Variants in SV2C observed in about 807,000 individuals in gnomAD.
SV2C encodes the protein solute carrier family 22 member B3.
A neutral mutation model predicts 79.7 loss-of-function variants in SV2C; 49 were observed. The ratio of observed to expected loss-of-function variants is 0.61; its 90% CI spans 0.49 to 0.78. The LOEUF is 0.78. Ranked by LOEUF, SV2C falls within the 30% of genes least tolerant of loss-of-function variation. The pLI is 0.00. For missense variants in SV2C, 833 were observed against 912.9 expected (o/e 0.91, Z 1.13); for synonymous variants, 334 against 333.2 (o/e 1.00, Z -0.03).
At chr5:76,290,338 C>A (rs1342400275) in intron 6 of SV2C, among the ~76,000 whole-genome samples, 2 of 152,168 alleles carry the variant, frequency 1.3e-5, no homozygotes, top group Non-Finnish European at 2.9e-5. Flanking sequence ...AATAGAGTTA[C>A]CCCTTTAAAT....
intron 2 of SV2C, chr5:76,173,862 C>T: frequency 6.3e-7 from 1 of 1,598,262 alleles, no homozygotes; most frequent in Non-Finnish European, 8.6e-7. Flanking sequence ...ATTGGAACAT[C>T]ATCAGTGTCT....
the SV2C span, among the ~76,000 whole-genome samples, chr5:75,881,136 C>G: frequency 2.0e-3 from 298 of 152,252 alleles, 3 homozygotes; most frequent in South Asian, 0.022. Context: ...AATCTGCCCC[C>G]ATGATCCAAT....
At chr5:76,342,977 G>GCCT in intron 12 of SV2C, among the ~76,000 whole-genome samples, 1 of 150,828 alleles carries the variant, frequency 6.6e-6, no homozygotes, top group East Asian at 2.0e-4. Flanking sequence ...TCCTGCCTCA[G>GCCT]CCTCCCAAAA....
intron 12 of SV2C, among the ~76,000 whole-genome samples, chr5:76,342,275 T>C (rs1185226759): frequency 6.6e-6 from 1 of 152,172 alleles, no homozygotes; most frequent in Non-Finnish European, 1.5e-5. Context: ...GCCATTCATC[T>C]TGTCAGATCA....
At chr5:76,178,928 C>T (rs13187212) in intron 2 of SV2C, among the ~76,000 whole-genome samples, 15,028 of 152,256 alleles carry the variant, frequency 0.099, 910 homozygotes, top group Non-Finnish European at 0.13. Flanking sequence ...TGAGTTCAAC[C>T]TTCTAAATTA....
chr5:76,241,608 G>A (rs1279641438), intron 4 of SV2C, among the ~76,000 whole-genome samples: 1 of 151,678 alleles, frequency 6.6e-6, no homozygotes, highest in African/African-American at 2.4e-5. Flanking sequence ...ATGACTAGGG[G>A]TCAGGTCCCA....
intron 2 of SV2C, among the ~76,000 whole-genome samples, chr5:76,140,968 C>G (rs1330517535): frequency 6.6e-6 from 1 of 152,150 alleles, no homozygotes; most frequent in African/African-American, 2.4e-5. Context: ...TCCTGTCTAC[C>G]AACACTAGCA....
intron 1 of SV2C, chr5:76,083,883 G>T: frequency 6.6e-6 from 1 of 152,356 alleles, no homozygotes. Context: ...TGGTTTGACC[G>T]GCAGGGATAG....
the SV2C span, among the ~76,000 whole-genome samples, chr5:75,950,203 T>C: frequency 2.2e-3 from 335 of 152,202 alleles, 3 homozygotes; most frequent in African/African-American, 7.7e-3. Flanking sequence ...ACAGAACTTA[T>C]GCTTGATCTT....
At chr5:76,128,594 C>G (rs1748785053) in intron 1 of SV2C, among the ~76,000 whole-genome samples, 1 of 152,044 alleles carries the variant, frequency 6.6e-6, no homozygotes, top group African/African-American at 2.4e-5. Flanking sequence ...TCTCTCTAAG[C>G]CTTAATTTTT....
intron 12 of SV2C, among the ~76,000 whole-genome samples, chr5:76,339,864 G>A (rs1394374563): frequency 2.0e-5 from 3 of 152,194 alleles, no homozygotes; most frequent in Admixed American, 2.0e-4. Context: ...ATCTTGAATA[G>A]GGGCTGGGTA....
chr5:76,144,431 A>G (rs1032562517), intron 2 of SV2C, among the ~76,000 whole-genome samples: 2 of 152,086 alleles, frequency 1.3e-5, no homozygotes, highest in African/African-American at 4.8e-5. Context: ...CAGCCCTTTC[A>G]CTCACCATTC....
chr5:75,977,288 A>G, the SV2C span, among the ~76,000 whole-genome samples: 73 of 152,286 alleles, frequency 4.8e-4, no homozygotes, highest in African/African-American at 1.6e-3. Flanking sequence ...ACAGCAATCA[A>G]TCAGAAAGGC....
intron 2 of SV2C, among the ~76,000 whole-genome samples, chr5:76,148,153 A>G (rs1749495826): frequency 6.6e-6 from 1 of 152,144 alleles, no homozygotes; most frequent in Non-Finnish European, 1.5e-5. Context: ...ACCAAGTTCA[A>G]GGTTCTGGAA....
At chr5:76,318,889 G>A (rs1387996357) in intron 12 of SV2C, among the ~76,000 whole-genome samples, 1 of 152,188 alleles carries the variant, frequency 6.6e-6, no homozygotes, top group Non-Finnish European at 1.5e-5. Flanking sequence ...CTACAGCTGA[G>A]AAGTCGGCAA....
At chr5:76,191,322 C>T (rs1156324278) in intron 2 of SV2C, among the ~76,000 whole-genome samples, 1 of 152,066 alleles carries the variant, frequency 6.6e-6, no homozygotes, top group Non-Finnish European at 1.5e-5. Flanking sequence ...GGACACAGAC[C>T]CAAACCTTAT....
chr5:75,967,327 G>C, the SV2C span, among the ~76,000 whole-genome samples: 1 of 152,180 alleles, frequency 6.6e-6, no homozygotes, highest in Non-Finnish European at 1.5e-5. Context: ...AGTGGGTGCA[G>C]AACAGTGAGT....
At chr5:76,252,945 A>G (rs1011394470) in intron 4 of SV2C, among the ~76,000 whole-genome samples, 1 of 152,232 alleles carries the variant, frequency 6.6e-6, no homozygotes, top group Non-Finnish European at 1.5e-5. Flanking sequence ...AATATCCAAT[A>G]CAACTTTATT....
At chr5:76,089,530 T>C (rs1042046934) in intron 1 of SV2C, among the ~76,000 whole-genome samples, 6 of 152,232 alleles carry the variant, frequency 3.9e-5, no homozygotes, top group Admixed American at 2.6e-4. Flanking sequence ...TTATATTCCT[T>C]TGGTTATATA....
Sources: allele counts gnomAD v4.1 joint callset (sites outside exome capture counted in the v4.1 genomes callset), GRCh38; gene constraint gnomAD v4.1.1; transcripts MANE v1.5; gene names NCBI Gene and HGNC (gene_info 2026-07-23, HGNC 2026-07-21).